Variants in GRM7 observed in about 807,000 individuals in gnomAD.
GRM7 encodes metabotropic glutamate receptor 7.
In GRM7, 35 loss-of-function variants were observed where a neutral mutation model predicts 84.5. That is an observed-to-expected ratio of 0.41 (90% CI 0.32 to 0.55). GRM7 has a LOEUF of 0.55. GRM7 is among the 20% of genes least tolerant of loss of function. The probability of loss-of-function intolerance (pLI) is 0.19; values close to 1 mark genes in which losing one functional copy is unlikely to be tolerated. For missense variants in GRM7, 1,003 were observed against 1,194.6 expected, an observed-to-expected ratio of 0.84 and a Z score of 2.36; for synonymous variants, 487 against 455.1, an observed-to-expected ratio of 1.07 and a Z score of -0.89.
chr3:7,592,661 T>A (rs1695852179), intron 8 of GRM7, among the ~76,000 whole-genome samples: 1 of 152,246 alleles, frequency 6.6e-6, no homozygotes, highest in African/African-American at 2.4e-5. Context: ...TAATTTCATG[T>A]AAAGTACTCA....
intron 2 of GRM7, among the ~76,000 whole-genome samples, chr3:7,249,937 C>A (rs561042403): frequency 7.2e-5 from 11 of 152,118 alleles, no homozygotes; most frequent in African/African-American, 2.7e-4. Flanking sequence ...CCAGGAAGGA[C>A]GAAATGGGAA....
intron 5 of GRM7, among the ~76,000 whole-genome samples, chr3:7,435,878 A>G (rs1480106104): frequency 7.0e-5 from 5 of 70,954 alleles, no homozygotes; most frequent in African/African-American, 2.2e-4. Flanking sequence ...TTTTTTTTGT[A>G]TTTTTAGTAA....
intron 7 of GRM7, among the ~76,000 whole-genome samples, chr3:7,493,727 G>C (rs1699604331): frequency 6.6e-6 from 1 of 151,902 alleles, no homozygotes; most frequent in Non-Finnish European, 1.5e-5. Flanking sequence ...TGTATTTATA[G>C]TTTTCTCTGG....
intron 4 of GRM7, among the ~76,000 whole-genome samples, chr3:7,351,947 T>C (rs1422100116): frequency 1.3e-5 from 2 of 151,916 alleles, no homozygotes; most frequent in East Asian, 2.0e-4. Context: ...AGCTTGTGAA[T>C]GGCCTATCAT....
At chr3:7,056,998 A>G (rs1412658514) in intron 1 of GRM7, among the ~76,000 whole-genome samples, 1 of 151,976 alleles carries the variant, frequency 6.6e-6, no homozygotes, top group Non-Finnish European at 1.5e-5. Context: ...ACAACTAAAC[A>G]TACTAACTTG....
intron 1 of GRM7, among the ~76,000 whole-genome samples, chr3:7,139,446 G>A (rs971222401): frequency 2.0e-5 from 3 of 151,822 alleles, no homozygotes; most frequent in Non-Finnish European, 4.4e-5. Context: ...AAGGTCTGTA[G>A]CATTCTAAAA....
intron 9 of GRM7, among the ~76,000 whole-genome samples, chr3:7,693,862 T>C (rs1363074061): frequency 6.6e-6 from 1 of 152,162 alleles, no homozygotes; most frequent in Non-Finnish European, 1.5e-5. Context: ...TTAAGGAAAT[T>C]GCACTAAAGA....
intron 1 of GRM7, among the ~76,000 whole-genome samples, chr3:7,102,054 A>T (rs1221738776): frequency 6.6e-6 from 1 of 151,480 alleles, no homozygotes; most frequent in African/African-American, 2.4e-5. Flanking sequence ...ATAATGTAAA[A>T]TTTTTTTCTT....
At chr3:6,892,238 A>G (rs934354990) in intron 1 of GRM7, among the ~76,000 whole-genome samples, 2 of 152,178 alleles carry the variant, frequency 1.3e-5, no homozygotes, top group African/African-American at 4.8e-5. Flanking sequence ...TTAGAAATGA[A>G]TGATATGAGG....
chr3:6,954,743 GA>G (rs1208743964), intron 1 of GRM7, among the ~76,000 whole-genome samples: 1 of 152,168 alleles, frequency 6.6e-6, no homozygotes, highest in African/African-American at 2.4e-5. Flanking sequence ...TTCCTTCATA[GA>G]AACATTATCA....
chr3:7,651,755 T>C (rs550572166), intron 8 of GRM7, among the ~76,000 whole-genome samples: 100 of 152,330 alleles, frequency 6.6e-4, no homozygotes, highest in African/African-American at 2.2e-3. Context: ...ATCCCTCATT[T>C]TGCAGAAGAA....
intron 1 of GRM7, among the ~76,000 whole-genome samples, chr3:7,028,926 T>C (rs1696079964): frequency 6.6e-6 from 1 of 152,236 alleles, no homozygotes; most frequent in Non-Finnish European, 1.5e-5. Context: ...ACTGGAACCC[T>C]GTGCACTGCT....
chr3:7,178,554 T>C (rs1479945921), intron 2 of GRM7, among the ~76,000 whole-genome samples: 1 of 151,976 alleles, frequency 6.6e-6, no homozygotes, highest in East Asian at 1.9e-4. Flanking sequence ...TTTGTATAGG[T>C]TTATACGCTG....
intron 1 of GRM7, among the ~76,000 whole-genome samples, chr3:6,906,475 A>T (rs1247601376): frequency 6.6e-6 from 1 of 152,186 alleles, no homozygotes; most frequent in Non-Finnish European, 1.5e-5. Context: ...TATAAGAACA[A>T]TTTGACTTAA....
At chr3:7,540,398 A>T (rs1470641460) in intron 7 of GRM7, among the ~76,000 whole-genome samples, 1 of 152,190 alleles carries the variant, frequency 6.6e-6, no homozygotes. Flanking sequence ...CTTGATGGTA[A>T]AAAAGGAATG....
chr3:6,893,054 T>C (rs959969884), intron 1 of GRM7: 10 of 152,188 alleles, frequency 6.6e-5, no homozygotes, highest in African/African-American at 2.2e-4. Context: ...TTTTCCTAGA[T>C]GAAGGGCATA....
chr3:7,566,958 C>T (rs1694310807), intron 7 of GRM7, among the ~76,000 whole-genome samples: 1 of 152,140 alleles, frequency 6.6e-6, no homozygotes, highest in African/African-American at 2.4e-5. Context: ...AAGAACCTCC[C>T]TCATAATTTT....
intron 1 of GRM7, among the ~76,000 whole-genome samples, chr3:7,068,433 C>T (rs935812691): frequency 1.2e-4 from 18 of 152,016 alleles, no homozygotes; most frequent in Non-Finnish European, 1.9e-4. Flanking sequence ...ACAAAGTACG[C>T]TACACAGCTG....
intron 8 of GRM7, among the ~76,000 whole-genome samples, chr3:7,672,886 C>T (rs755819973): frequency 5.3e-5 from 8 of 152,074 alleles, no homozygotes; most frequent in South Asian, 2.1e-4. Flanking sequence ...TGAGCCACCG[C>T]GCCCAGCCTT....
Sources: allele counts gnomAD v4.1 joint callset (sites outside exome capture counted in the v4.1 genomes callset), GRCh38; gene constraint gnomAD v4.1.1; transcripts MANE v1.5; gene names NCBI Gene and HGNC (gene_info 2026-07-23, HGNC 2026-07-21).